FRY: variants seen among roughly 807,000 people sequenced by gnomAD.
FRY encodes the protein protein furry homolog.
In FRY, 128 loss-of-function variants were observed where a neutral mutation model predicts 348.4. That is an observed-to-expected ratio of 0.37 (90% CI 0.32 to 0.43). The LOEUF is 0.43. FRY is among the 20% of genes least tolerant of loss of function. The pLI, the probability that FRY is intolerant of heterozygous loss-of-function variation, is 1.00. For missense variants in FRY, 2,736 were observed against 3,695.2 expected (o/e 0.74, Z 6.73); for synonymous variants, 1,370 against 1,374.7 (o/e 1.00, Z 0.08).
intron 59 of FRY, among the ~76,000 whole-genome samples, chr13:32,293,252 C>T (rs560056376): frequency 4.6e-5 from 7 of 152,192 alleles, no homozygotes; most frequent in African/African-American, 1.7e-4. Flanking sequence ...TAAAACTTAT[C>T]TAGGTTTAAA....
chr13:32,186,169 T>C, intron 26 of FRY, 91 bp from the exon 27 acceptor site: 1 of 972,016 alleles, frequency 1.0e-6, no homozygotes, highest in Non-Finnish European at 1.7e-6. Context: ...AAAAATGAAG[T>C]GGTTCCTTTC....
At chr13:32,093,696 C>T (rs1876490767) in intron 2 of FRY, among the ~76,000 whole-genome samples, 1 of 152,160 alleles carries the variant, frequency 6.6e-6, no homozygotes, top group African/African-American at 2.4e-5. Flanking sequence ...CGCCAAGTCT[C>T]AGTATTTTGG....
intron 16 of FRY, among the ~76,000 whole-genome samples, chr13:32,158,754 C>T (rs1228917716): frequency 6.6e-6 from 1 of 151,746 alleles, no homozygotes; most frequent in Non-Finnish European, 1.5e-5. Flanking sequence ...CCCATCTTTA[C>T]TAATAATACA....
At chr13:32,132,042 G>A (rs1164830508) in intron 8 of FRY, among the ~76,000 whole-genome samples, 2 of 151,992 alleles carry the variant, frequency 1.3e-5, no homozygotes, top group African/African-American at 4.8e-5. Flanking sequence ...ATATATCTTT[G>A]GAGGAGAGTA....
chr13:32,137,581 C>T (rs908010281), intron 11 of FRY, among the ~76,000 whole-genome samples: 1 of 152,214 alleles, frequency 6.6e-6, no homozygotes, highest in Non-Finnish European at 1.5e-5. Context: ...TACACAGGTG[C>T]TGGGTCTTTA....
chr13:32,294,302 T>C (rs1455926397), intron 59 of FRY, 66 bp from the exon 60 acceptor site: 9 of 1,102,200 alleles, frequency 8.2e-6, no homozygotes, highest in East Asian at 5.0e-5. Flanking sequence ...CCTTTTTTTT[T>C]CCTTTTGGGA....
intron 1 of FRY, among the ~76,000 whole-genome samples, chr13:32,056,607 T>C (rs1295212232): frequency 6.6e-6 from 1 of 152,206 alleles, no homozygotes; most frequent in Non-Finnish European, 1.5e-5. Flanking sequence ...TGTGCTCCAT[T>C]TGGTTCCTCC....
At chr13:32,170,959 A>T in intron 17 of FRY, 53 bp from the exon 18 acceptor site, 1 of 1,280,698 alleles carries the variant, frequency 7.8e-7, no homozygotes, top group South Asian at 1.2e-5. Flanking sequence ...TGTTAGCTCT[A>T]GAAGACCAGT....
chr13:32,219,316 C>T (rs1885183345), intron 36 of FRY, among the ~76,000 whole-genome samples: 1 of 149,050 alleles, frequency 6.7e-6, no homozygotes, highest in Non-Finnish European at 1.5e-5. Context: ...GTCTCGATCT[C>T]CTGACCTCAT....
At chr13:32,225,689 T>C in intron 38 of FRY, 100 bp from the exon 39 acceptor site, 1 of 961,632 alleles carries the variant, frequency 1.0e-6, no homozygotes, top group African/African-American at 1.6e-5. Flanking sequence ...TAAACATTCT[T>C]TTAACATGTT....
Position 32,178,946 on chromosome 13 carries a change from C to T in FRY, c.2784C>T (p.Pro928=). The change falls in exon 22 of 61, where the codon CCC becomes CCT. Residue 928 remains proline, a synonymous_variant. Transcript: ENST00000542859. ...YLILCFGVAK[P]SIMSPGHLRA... is the part of the protein sequence containing the mutation. ...TTCTTTGTTTTGGAGTTGCAAAACC[C>T]AGTATTATGAGCCCAGGACACTTAA... The T allele has an allele frequency of 2.5e-6, 4 of 1,612,860 alleles. No homozygotes were observed. Among genetic ancestry groups the T allele is most frequent in the Non-Finnish European group, 2.5e-6 (3 of 1,179,026 alleles).
rs377106619 is a variant in FRY, at chr13:32,098,717, G to A, written c.271-3246G>A. Among the ~76,000 whole-genome samples, 291 of 152,026 alleles carry A rather than the reference G, an allele frequency of 1.9e-3. 2 individuals are homozygous for A. Among genetic ancestry groups the A allele is most frequent in the African/African-American group, 6.9e-3 (285 of 41,370 alleles). ...ACTCTTCTCCCCAGTAGTGTGTATC[G>A]TGTGTTCTTCAGTGTTCCACCCCGG... On this transcript the variant is annotated intron_variant, in intron 2 of 60. Coordinates refer to ENST00000542859, the MANE Select transcript of FRY (RefSeq NM_023037.3).
intron 8 of FRY, 110 bp downstream of exon 8, chr13:32,131,950 A>G: frequency 1.2e-6 from 1 of 848,810 alleles, no homozygotes; most frequent in Non-Finnish European, 2.1e-6. Flanking sequence ...ACGGAGAAAC[A>G]TTCTACTGTC....
intron 29 of FRY, among the ~76,000 whole-genome samples, chr13:32,199,900 T>C (rs1291266210): frequency 6.6e-6 from 1 of 152,194 alleles, no homozygotes; most frequent in Non-Finnish European, 1.5e-5. Context: ...TGGAACTGGA[T>C]AATTTATAGA....
At chr13:32,145,625 A>G (rs537472779) in intron 11 of FRY, among the ~76,000 whole-genome samples, 3 of 148,632 alleles carry the variant, frequency 2.0e-5, no homozygotes, top group African/African-American at 7.5e-5. Flanking sequence ...GCTCACTGCA[A>G]GCTCCGCTTC....
At chr13:32,126,957 A>G (rs1225147028) in intron 7 of FRY, among the ~76,000 whole-genome samples, 1 of 152,192 alleles carries the variant, frequency 6.6e-6, no homozygotes, top group African/African-American at 2.4e-5. Flanking sequence ...TTTAGCTATT[A>G]GTACTTACTT....
chr13:32,236,755 G>T (rs972616303), intron 43 of FRY, among the ~76,000 whole-genome samples: 20 of 151,898 alleles, frequency 1.3e-4, no homozygotes, highest in African/African-American at 4.6e-4. Context: ...TCTTGTATCC[G>T]ATTGGGCCTT....
intron 47 of FRY, among the ~76,000 whole-genome samples, chr13:32,245,456 T>G (rs113613733): frequency 1.1e-4 from 16 of 151,732 alleles, no homozygotes; most frequent in African/African-American, 3.9e-4. Context: ...ATAAAAAAAA[T>G]TTTAAAAATC....
At position 32,267,263 on chromosome 13, in the gene FRY, C is replaced by A; in HGVS notation, c.8040C>A (p.Ala2680=). 1 of 1,614,128 alleles carries A rather than the reference C, an allele frequency of 6.2e-7. No individual in the cohort carries two copies. The highest frequency in any genetic ancestry group is 8.5e-7 in the Non-Finnish European group (1 of 1,180,010). Residue 2680 remains alanine, a synonymous_variant, in exon 55 of 61, where the codon GCC becomes GCA. Coordinates refer to ENST00000542859, the MANE Select transcript of FRY (RefSeq NM_023037.3). ...TTCAGCCCGCAGCCTGTGACGATGC[C>A]GAGGAGGCCTGGCGCAGCCACATCA... The part of the protein sequence containing the change: ...AAFQPAACDD[A]EEAWRSHINQ...
Sources: gnomAD v4.1 joint callset for allele counts (sites outside exome capture counted in the v4.1 genomes callset) on GRCh38, gnomAD v4.1.1 for gene constraint, MANE v1.5 for transcripts, NCBI Gene and HGNC (gene_info 2026-07-23, HGNC 2026-07-21) for gene names.